SPATA24: variants seen among roughly 807,000 people sequenced by gnomAD.
SPATA24 encodes spermatogenesis-associated protein 24.
In SPATA24, 21 loss-of-function variants were observed where a neutral mutation model predicts 28.9. The observed-to-expected ratio is 0.73, with a 90% CI of 0.52 to 1.05. SPATA24 has a LOEUF of 1.05. Among genes scored for constraint, SPATA24 ranks in the 50% least tolerant of loss-of-function variants. The probability of loss-of-function intolerance (pLI) is 0.00; values close to 1 mark genes in which losing one functional copy is unlikely to be tolerated. For missense variants in SPATA24, 215 were observed against 242.9 expected, an observed-to-expected ratio of 0.88 and a Z score of 0.76; for synonymous variants, 76 against 89.9, an observed-to-expected ratio of 0.85 and a Z score of 0.88.
At chr5:139,399,334 G>C (rs375004046) in intron 4 of SPATA24, among the ~76,000 whole-genome samples, 1 of 148,076 alleles carries the variant, frequency 6.8e-6, no homozygotes, top group African/African-American at 2.5e-5. Context: ...AAAAAAAAAA[G>C]GTTGGACAAG....
chr5:139,393,862 G>A (rs1283309861), downstream of SPATA24: 1 of 1,551,362 alleles, frequency 6.4e-7, no homozygotes, highest in Admixed American at 2.0e-5. Context: ...CGGGCAGCGA[G>A]GACCCCGTAC....
chr5:139,399,776 C>A (rs1035239063), intron 4 of SPATA24, among the ~76,000 whole-genome samples: 4 of 152,114 alleles, frequency 2.6e-5, no homozygotes, highest in African/African-American at 9.7e-5. Flanking sequence ...GCTTGTGTCC[C>A]ACAGGAGGGG....
downstream of SPATA24, chr5:139,394,411 C>T (rs1114167279): frequency 4.3e-6 from 6 of 1,389,224 alleles, no homozygotes; most frequent in Admixed American, 2.2e-4. Context: ...GCGCGGCGCG[C>T]CGGCCGCCCT....
downstream of SPATA24, chr5:139,393,746 C>T: frequency 6.4e-7 from 1 of 1,551,420 alleles, no homozygotes; most frequent in Non-Finnish European, 8.7e-7. Flanking sequence ...CTGACAGTTT[C>T]CTCGACGGCA....
At chr5:139,393,274 C>T, downstream of SPATA24, 1 of 1,549,900 alleles carries the variant, frequency 6.5e-7, no homozygotes, top group Non-Finnish European at 8.7e-7. Context: ...GACTTCCGGG[C>T]ACTTATCCGC....
At chr5:139,395,067 G>A (rs1338986869), downstream of SPATA24, 5 of 1,409,074 alleles carry the variant, frequency 3.5e-6, no homozygotes, top group African/African-American at 1.5e-5. Flanking sequence ...CTGGCGGGGC[G>A]AGCGCGGTCA....
chr5:139,393,915 C>T (rs1390871944), downstream of SPATA24: 16 of 1,550,888 alleles, frequency 1.0e-5, no homozygotes, highest in Non-Finnish European at 1.4e-5. Context: ...GGCTCCTTGG[C>T]CTCACAGCCC....
intron 3 of SPATA24, 39 bp from the exon 4 acceptor site, chr5:139,401,864 G>A (rs1410411117): frequency 6.5e-7 from 1 of 1,547,346 alleles, no homozygotes; most frequent in African/African-American, 1.4e-5. Context: ...GGGCAGGCTA[G>A]CAAGCAGATG....
chr5:139,396,235 G>GA, downstream of SPATA24: 3 of 985,404 alleles, frequency 3.0e-6, no homozygotes, highest in Non-Finnish European at 3.6e-6. Context: ...GATGGCTTCT[G>GA]AAAAAATGTT....
intron 4 of SPATA24, 23 bp from the exon 5 acceptor site, chr5:139,397,166 G>T (rs1261419166): frequency 1.3e-6 from 2 of 1,537,730 alleles, no homozygotes; most frequent in African/African-American, 2.7e-5. Context: ...GAGGCAGGGA[G>T]GAGGGGTGGT....
chr5:139,393,755 C>T, downstream of SPATA24: 11 of 1,551,392 alleles, frequency 7.1e-6, no homozygotes, highest in Non-Finnish European at 7.8e-6. Flanking sequence ...TCCTCGACGG[C>T]AGGATTTTGA....
At chr5:139,393,988 C>T (rs1561989529), downstream of SPATA24, 1 of 1,550,620 alleles carries the variant, frequency 6.4e-7, no homozygotes, top group Non-Finnish European at 8.7e-7. Flanking sequence ...CTGAACAGTT[C>T]GATCCGGCGC....
downstream of SPATA24, chr5:139,394,985 A>G: frequency 6.6e-7 from 1 of 1,503,914 alleles, no homozygotes; most frequent in Non-Finnish European, 8.9e-7. Flanking sequence ...GTGTAGTAGG[A>G]GCCTGACGAA....
downstream of SPATA24, chr5:139,393,651 G>T: frequency 1.3e-6 from 2 of 1,550,590 alleles, no homozygotes; most frequent in Non-Finnish European, 1.7e-6. Flanking sequence ...TCTCCCACAG[G>T]GAAGGGGCTT....
downstream of SPATA24, chr5:139,393,530 G>A: frequency 3.2e-6 from 5 of 1,551,432 alleles, no homozygotes; most frequent in South Asian, 5.9e-5. Context: ...GTCTCTTGGG[G>A]AGATGGGCCC....
intron 4 of SPATA24, 45 bp from the exon 5 acceptor site, chr5:139,397,188 G>A: frequency 6.8e-7 from 1 of 1,462,456 alleles, no homozygotes; most frequent in Non-Finnish European, 9.4e-7. Flanking sequence ...CCCATCCCAG[G>A]GCTCCTTCCT....
chr5:139,393,341 A>T (rs1467934173), downstream of SPATA24: 9 of 1,551,144 alleles, frequency 5.8e-6, no homozygotes, highest in African/African-American at 2.7e-5. Flanking sequence ...ACCTCTGGGG[A>T]CTGCTGACTC....
intron 4 of SPATA24, among the ~76,000 whole-genome samples, chr5:139,398,658 T>C (rs114932752): frequency 0.014 from 2,171 of 152,286 alleles, 62 homozygotes; most frequent in African/African-American, 0.05. Context: ...GGTGCTTCAT[T>C]TACATAACTG....
At chr5:139,398,236 A>G (rs139257590) in intron 4 of SPATA24, among the ~76,000 whole-genome samples, 4 of 152,264 alleles carry the variant, frequency 2.6e-5, no homozygotes, top group Admixed American at 2.6e-4. Context: ...AGACAGCCCT[A>G]TCCCACAGTG....
Sources: allele counts gnomAD v4.1 joint callset (sites outside exome capture counted in the v4.1 genomes callset), GRCh38; gene constraint gnomAD v4.1.1; transcripts MANE v1.5; gene names NCBI Gene and HGNC (gene_info 2026-07-23, HGNC 2026-07-21).